Variants in NKAIN2 observed in about 807,000 individuals in gnomAD.
NKAIN2 encodes sodium/potassium-transporting ATPase subunit beta-1-interacting protein 2.
In NKAIN2, 14 loss-of-function variants were observed where a neutral mutation model predicts 32.6. The observed-to-expected ratio is 0.43, with a 90% CI of 0.28 to 0.67. NKAIN2 has a LOEUF of 0.67. Among genes scored for constraint, NKAIN2 ranks in the 30% least tolerant of loss-of-function variants. NKAIN2 has a pLI of 0.17. For missense variants in NKAIN2, 198 were observed against 258.3 expected (o/e 0.77, Z 1.60); for synonymous variants, 80 against 87.2 (o/e 0.92, Z 0.46).
intron 4 of NKAIN2, among the ~76,000 whole-genome samples, chr6:124,774,927 C>G (rs1254240839): frequency 6.7e-6 from 1 of 150,174 alleles, no homozygotes; most frequent in Non-Finnish European, 1.5e-5. Context: ...CAGTTGTTGT[C>G]CAAAGATACA....
Position 123,858,338 on chromosome 6 carries a change from A to G in NKAIN2, c.54+54084A>G, listed in dbSNP as rs543923745. Among the ~76,000 whole-genome samples, 11 of 151,772 alleles carry G rather than the reference A, an allele frequency of 7.2e-5. No individual in the cohort carries two copies. The South Asian group carries it at 1.9e-3, about 26-fold the overall frequency. On this transcript the variant is annotated intron_variant, in intron 1 of 6. Transcript: ENST00000368417. The stretch of plus-strand genomic sequence containing the variant: ...GTCATGTTAGTCAGGCTGGTCTCAA[A>G]CTCCCGACCTCAGGTGATCTGCCCG...
intron 1 of NKAIN2, among the ~76,000 whole-genome samples, chr6:124,029,788 T>G (rs955774642): frequency 6.6e-6 from 1 of 152,124 alleles, no homozygotes; most frequent in African/African-American, 2.4e-5. Flanking sequence ...TATCTGTATT[T>G]ACAGCCGCTC....
At chr6:124,728,979 A>T (rs1415672906) in intron 4 of NKAIN2, among the ~76,000 whole-genome samples, 22 of 149,674 alleles carry the variant, frequency 1.5e-4, no homozygotes, top group Non-Finnish European at 2.5e-4. Context: ...AAATTCCTCA[A>T]CACATACACT....
intron 3 of NKAIN2, among the ~76,000 whole-genome samples, chr6:124,622,725 C>T (rs112894260): frequency 6.6e-6 from 1 of 152,078 alleles, no homozygotes; most frequent in Non-Finnish European, 1.5e-5. Context: ...AGGTGGTCTT[C>T]CCCCGGAGTT....
chr6:124,768,922 G>A (rs1778631345), intron 4 of NKAIN2, among the ~76,000 whole-genome samples: 1 of 151,928 alleles, frequency 6.6e-6, no homozygotes, highest in African/African-American at 2.4e-5. Context: ...AAGCTGTTTT[G>A]GGTCACCACA....
At chr6:124,215,037 A>T (rs561312694) in intron 1 of NKAIN2, among the ~76,000 whole-genome samples, 180 of 152,312 alleles carry the variant, frequency 1.2e-3, no homozygotes, top group Non-Finnish European at 2.0e-3. Context: ...CAGAAAAGAG[A>T]AATAAATCAG....
intron 5 of NKAIN2, among the ~76,000 whole-genome samples, chr6:124,792,260 A>C (rs1779779078): frequency 6.6e-6 from 1 of 152,114 alleles, no homozygotes; most frequent in African/African-American, 2.4e-5. Context: ...GGAAGGTGAG[A>C]ATATGGTGAT....
At chr6:124,495,639 A>C (rs1274374209) in intron 3 of NKAIN2, among the ~76,000 whole-genome samples, 2 of 152,128 alleles carry the variant, frequency 1.3e-5, no homozygotes, top group Non-Finnish European at 2.9e-5. Flanking sequence ...GTAGTCCCAG[A>C]CTTAGTCTTT....
chr6:124,530,730 G>A lies in NKAIN2; in HGVS notation c.274-127456G>A, dbSNP rs144247830. Among the ~76,000 whole-genome samples the A allele has an allele frequency of 1.8e-3, 275 of 152,266 alleles. 2 individuals are homozygous for A. Among genetic ancestry groups the A allele is most frequent in the African/African-American group, 6.3e-3 (261 of 41,558 alleles). ...AGGCCTGAAAATGGTGGGAGCTGCC[G>A]TATAACTCCTAGTTTAACACCGAAG... is the stretch of plus-strand genomic sequence containing the variant. On this transcript the variant is annotated intron_variant, in intron 3 of 6. Coordinates refer to ENST00000368417, the MANE Select transcript of NKAIN2 (RefSeq NM_001040214.3).
At chr6:124,346,989 T>C (rs62434714) in intron 2 of NKAIN2, among the ~76,000 whole-genome samples, 3,603 of 152,158 alleles carry the variant, frequency 0.024, 83 homozygotes, top group Non-Finnish European at 0.034. Context: ...TGCCTTTCCA[T>C]GTTTAGTGCT....
Position 124,511,601 on chromosome 6 carries a change from G to A in NKAIN2, c.274-146585G>A, listed in dbSNP as rs537511750. 3.9e-5 allele frequency among the ~76,000 whole-genome samples: 6 copies of A among 152,232 alleles called. No individual in the cohort carries two copies. In the South Asian group the frequency reaches 1.2e-3, roughly 32 times the overall value. ...CTGCCATTTTCCTACAACCTGTCCT[G>A]AGAAAATATCTGACGAAAGTAATGT... On this transcript the variant is annotated intron_variant, in intron 3 of 6. Coordinates refer to ENST00000368417, the MANE Select transcript of NKAIN2 (RefSeq NM_001040214.3).
At chr6:123,933,229 T>A (rs180872563) in intron 1 of NKAIN2, among the ~76,000 whole-genome samples, 57 of 152,350 alleles carry the variant, frequency 3.7e-4, no homozygotes, top group African/African-American at 1.3e-3. Context: ...TCATGATGTT[T>A]TATTTCAAAT....
At chr6:124,133,863 T>TAA (rs555687182) in intron 1 of NKAIN2, among the ~76,000 whole-genome samples, 63 of 151,508 alleles carry the variant, frequency 4.2e-4, no homozygotes, top group Non-Finnish European at 8.7e-4. Flanking sequence ...AAATTTAAAT[T>TAA]AAAAAAAATA....
intron 3 of NKAIN2, among the ~76,000 whole-genome samples, chr6:124,469,153 T>C (rs534916247): frequency 1.3e-5 from 2 of 152,312 alleles, no homozygotes; most frequent in African/African-American, 4.8e-5. Context: ...CTTGATTGAA[T>C]CTTTTCCATG....
intron 1 of NKAIN2, among the ~76,000 whole-genome samples, chr6:124,150,461 C>T (rs1787654703): frequency 2.0e-5 from 3 of 151,984 alleles, no homozygotes. Context: ...ACAAACATTT[C>T]TATAGTTTGC....
chr6:124,227,087 C>CAAA lies in NKAIN2; in HGVS notation c.55-55908_55-55906dup, dbSNP rs575365216. On this transcript the variant is annotated intron_variant, in intron 1 of 6. Transcript: ENST00000368417. Reference sequence around the variant, plus strand: ...TTCACTATTGCTACTCTCTTGGAGGCAAAAAAAAAAAAGAAAAAGTTACTA... The same window carrying CAAA: ...TTCACTATTGCTACTCTCTTGGAGGCAAAAAAAAAAAAAAAGAAAAAGTTACTA... Among the ~76,000 whole-genome samples the CAAA allele has an allele frequency of 5.2e-4, 66 of 128,130 alleles. 1 individual carries two copies. Among genetic ancestry groups the CAAA allele is most frequent in the African/African-American group, 1.0e-3 (33 of 31,900 alleles). The allele number at this position is 128,130 out of a possible 152,430, so 84.1% of individuals were successfully genotyped here. A position where few individuals can be genotyped will look rare whatever the true frequency, so the allele number is the denominator to read the frequency against.
intron 3 of NKAIN2, among the ~76,000 whole-genome samples, chr6:124,526,852 G>A (rs1320482807): frequency 6.6e-6 from 1 of 152,064 alleles, no homozygotes; most frequent in Non-Finnish European, 1.5e-5. Context: ...TATGTGATGA[G>A]TTTATATGTT....
intron 1 of NKAIN2, among the ~76,000 whole-genome samples, chr6:124,217,534 G>T (rs1337267344): frequency 6.6e-6 from 1 of 151,898 alleles, no homozygotes; most frequent in Non-Finnish European, 1.5e-5. Context: ...TTATGTCATT[G>T]ATACAAAGCA....
At chr6:124,552,544 G>A (rs1780329084) in intron 3 of NKAIN2, among the ~76,000 whole-genome samples, 1 of 152,150 alleles carries the variant, frequency 6.6e-6, no homozygotes, top group South Asian at 2.1e-4. Flanking sequence ...ATCTAATCTG[G>A]CATATTCTCT....
Sources: gnomAD v4.1 joint callset for allele counts (sites outside exome capture counted in the v4.1 genomes callset) on GRCh38, gnomAD v4.1.1 for gene constraint, MANE v1.5 for transcripts, NCBI Gene and HGNC (gene_info 2026-07-23, HGNC 2026-07-21) for gene names.